The following SECISBP2 variants were observed in gnomAD, a reference collection of about 807,000 sequenced individuals.
The protein encoded by SECISBP2 is SECIS binding protein 2, also known as selenocysteine insertion sequence-binding protein 2.
Under a neutral mutation model 98.2 loss-of-function variants are expected in SECISBP2, and 96 were observed. That is an observed-to-expected ratio of 0.98 (90% CI 0.83 to 1.16). The LOEUF is 1.16. SECISBP2 is among the 50% of genes most tolerant of loss of function. SECISBP2 has a pLI of 0.00. For synonymous variants in SECISBP2, 407 were observed against 370.2 expected, an observed-to-expected ratio of 1.10 and a Z score of -1.14; for missense variants, 1,046 against 1,022.9, an observed-to-expected ratio of 1.02 and a Z score of -0.31.
At chr9:89,319,582 G>T in intron 1 of SECISBP2, 70 bp from the exon 2 acceptor site, 1 of 1,557,520 alleles carries the variant, frequency 6.4e-7, no homozygotes, top group Non-Finnish European at 8.9e-7. Flanking sequence ...ACACCTCTTG[G>T]GTCTTTTTGT....
Position 89,325,452 on chromosome 9 carries a change from GC to G in SECISBP2, c.210del (p.Phe71LeufsTer15), listed in dbSNP as rs752855637. On this transcript the variant is annotated frameshift_variant, in exon 3 of 17. Coordinates refer to ENST00000375807, the MANE Select transcript of SECISBP2 (RefSeq NM_024077.5). LOFTEE classifies it high-confidence loss of function. ...GCAGAAAATATATACTGAAGACATG[GC>G]CTTTGGAGCTTCAACTTTTCCACCT... ...TEQKIYTEDMAFGASTFPPQY... is the reference protein window; with the variant it reads ...TEQKIYTEDMXFGASTFPPQY... 1 of 1,613,972 alleles carries G rather than the reference GC, an allele frequency of 6.2e-7. No homozygotes were observed. The highest frequency in any genetic ancestry group is 1.1e-5 in the South Asian group (1 of 91,080).
At chr9:89,354,611 T>A (rs539907715) in intron 14 of SECISBP2, among the ~76,000 whole-genome samples, 1 of 152,048 alleles carries the variant, frequency 6.6e-6, no homozygotes, top group African/African-American at 2.4e-5. Context: ...CCACAGTGTT[T>A]GCACACCATA....
Position 89,332,970 on chromosome 9 carries a change from T to A in SECISBP2, c.864T>A (p.Ser288=). Residue 288 remains serine (S), a synonymous_variant, in exon 6 of 17, where the codon TCT becomes TCA. Coordinates refer to ENST00000375807, the MANE Select transcript of SECISBP2 (RefSeq NM_024077.5). The part of the protein sequence containing the change: ...ESVTANAATN[S]PSCTRELSWT... ...TAACTGCTAATGCCGCTACCAATTCTCCTTCATGTACAAGAGGTAAAAGTG... is the reference window on the plus strand; with the variant it reads ...TAACTGCTAATGCCGCTACCAATTCACCTTCATGTACAAGAGGTAAAAGTG... 6.2e-7 allele frequency: 1 copy of A among 1,613,868 alleles called. No homozygotes were observed. The highest frequency in any genetic ancestry group is 1.7e-5 in the Admixed American group (1 of 60,022).
chr9:89,344,796 C>T (rs924461655), intron 10 of SECISBP2, among the ~76,000 whole-genome samples: 1 of 152,106 alleles, frequency 6.6e-6, no homozygotes, highest in African/African-American at 2.4e-5. Flanking sequence ...TTCTTCCTCC[C>T]CCTTTATGCT....
chr9:89,337,610 T>C (rs574269895), intron 7 of SECISBP2, among the ~76,000 whole-genome samples: 1 of 152,346 alleles, frequency 6.6e-6, no homozygotes, highest in East Asian at 1.9e-4. Context: ...TCTTTTTCAC[T>C]TAGAAAAACA....
rs201735608 is a variant in SECISBP2, at chr9:89,319,621, T to C, written c.37-31T>C. 2.5e-6 allele frequency: 4 copies of C among 1,613,476 alleles called. No individual in the cohort carries two copies. In the Admixed American group the frequency reaches 6.7e-5, roughly 27 times the overall value. ...TTTATATTTGCTTGATCTCTGAATG[T>C]TTGTGGCCAAAACCTCATATTTTTC... On this transcript the variant is annotated intron_variant, in intron 1 of 16. Coordinates refer to ENST00000375807, the MANE Select transcript of SECISBP2 (RefSeq NM_024077.5).
At chr9:89,341,311 G>C in intron 9 of SECISBP2, 36 bp from the exon 10 acceptor site, 1 of 1,590,264 alleles carries the variant, frequency 6.3e-7, no homozygotes, top group African/African-American at 1.3e-5. Context: ...AGTTTGTATA[G>C]TTTTATAAGT....
intron 6 of SECISBP2, chr9:89,334,119 T>C (rs1402499118): frequency 8.8e-7 from 1 of 1,138,238 alleles, no homozygotes; most frequent in Admixed American, 4.8e-5. Flanking sequence ...TGAAGTCTAG[T>C]GATCTTTGAC....
chr9:89,345,324 T>A (rs746233994), intron 10 of SECISBP2, among the ~76,000 whole-genome samples: 2 of 152,196 alleles, frequency 1.3e-5, no homozygotes, highest in Non-Finnish European at 2.9e-5. Flanking sequence ...ACGCTTTGAA[T>A]TCAGCAAGCC....
intron 7 of SECISBP2, among the ~76,000 whole-genome samples, chr9:89,335,093 G>A (rs1052997467): frequency 6.6e-6 from 1 of 151,782 alleles, no homozygotes. Flanking sequence ...GCGGGTGCCT[G>A]TAGTCCCAGC....
chr9:89,357,707 CCTT>C (rs1311544417), intron 15 of SECISBP2, 142 bp downstream of exon 15: 5 of 1,040,394 alleles, frequency 4.8e-6, no homozygotes, highest in Non-Finnish European at 7.3e-6. Flanking sequence ...TTAGGCAGAA[CCTT>C]CTTATAAAAA....
chr9:89,363,666 G>GT (rs879723757), downstream of SECISBP2: 340 of 1,593,084 alleles, frequency 2.1e-4, no homozygotes, highest in Non-Finnish European at 2.7e-4. Flanking sequence ...CTTTCCAGCT[G>GT]TTTTTTTCAC....
rs1773670206 is a variant in SECISBP2 at position 89,332,924 on chromosome 9, A to G, written c.818A>G (p.Lys273Arg). 1 of 1,613,796 alleles carries G rather than the reference A, an allele frequency of 6.2e-7. No homozygotes were observed. Among genetic ancestry groups the G allele is most frequent in the African/African-American group, 1.3e-5 (1 of 74,918 alleles). The change falls in exon 6 of 17, where the codon AAA becomes AGA. Residue 273 changes from lysine (K) to arginine (R), a missense_variant. Physicochemically the swap from Lys to Arg is conservative, Grantham distance 26. Coordinates refer to ENST00000375807, the MANE Select transcript of SECISBP2 (RefSeq NM_024077.5). ...AVLSKGEIVV[K>R]NNPNESVTAN... Reference sequence around the variant, plus strand: ...GCTTTTTAGGGTGAAATAGTGGTGAAAAATAACCCAAATGAATCTGTAACT... The same window carrying G: ...GCTTTTTAGGGTGAAATAGTGGTGAGAAATAACCCAAATGAATCTGTAACT...
At chr9:89,366,064 G>A in the SECISBP2 span, among the ~76,000 whole-genome samples, 55 of 152,292 alleles carry the variant, frequency 3.6e-4, 1 homozygote, top group East Asian at 0.01. Flanking sequence ...GTGAAGCCCT[G>A]TTTCTATCAG....
chr9:89,346,813 G>C, intron 10 of SECISBP2, 69 bp from the exon 11 acceptor site: 1 of 1,597,630 alleles, frequency 6.3e-7, no homozygotes, highest in Non-Finnish European at 8.6e-7. Context: ...CCCTGGGCGA[G>C]CTGCGATCCA....
chr9:89,321,195 T>C (rs1464798031), intron 2 of SECISBP2, among the ~76,000 whole-genome samples: 1 of 152,212 alleles, frequency 6.6e-6, no homozygotes, highest in Non-Finnish European at 1.5e-5. Flanking sequence ...CTTGAGTGTC[T>C]CACATAACAA....
At chr9:89,325,240 C>T (rs935722518) in intron 2 of SECISBP2, 187 bp from the exon 3 acceptor site, 7 of 613,152 alleles carry the variant, frequency 1.1e-5, no homozygotes, top group Non-Finnish European at 1.7e-5. Context: ...ATAGAGTCAA[C>T]ATCTTTCTTT....
intron 7 of SECISBP2, 96 bp from the exon 8 acceptor site, chr9:89,338,362 A>G (rs888675238): frequency 1.4e-6 from 2 of 1,385,798 alleles, no homozygotes; most frequent in African/African-American, 1.5e-5. Flanking sequence ...TCATGTGATT[A>G]TAGGACTTGA....
chr9:89,333,383 A>C (rs575436817), intron 6 of SECISBP2, among the ~76,000 whole-genome samples: 1 of 152,372 alleles, frequency 6.6e-6, no homozygotes, highest in East Asian at 1.9e-4. Flanking sequence ...AATTTGCTTA[A>C]AAATAACAAT....
Sources: allele counts gnomAD v4.1 joint callset (sites outside exome capture counted in the v4.1 genomes callset), GRCh38; gene constraint gnomAD v4.1.1; transcripts MANE v1.5; gene names NCBI Gene and HGNC (gene_info 2026-07-23, HGNC 2026-07-21).